Variants in DRC11 observed in about 807,000 individuals in gnomAD.
The protein encoded by DRC11 is IQ and AAA domain-containing protein 1.
chr2:236,505,811 C>A, the DRC11 span, among the ~76,000 whole-genome samples: 1 of 152,178 alleles, frequency 6.6e-6, no homozygotes, highest in Non-Finnish European at 1.5e-5. Context: ...CTTCTCCCTC[C>A]TCCTCCTATA....
At chr2:236,406,531 G>A in the DRC11 span, among the ~76,000 whole-genome samples, 1 of 152,112 alleles carries the variant, frequency 6.6e-6, no homozygotes, top group African/African-American at 2.4e-5. The surrounding 1 kb of genome is among the most constrained non-coding windows in gnomAD (Gnocchi z 4.7). Context: ...CTCTGGGTCC[G>A]TATCCTGGGG....
the DRC11 span, among the ~76,000 whole-genome samples, chr2:236,357,642 A>AAATAT: frequency 3.3e-5 from 4 of 122,864 alleles, no homozygotes; most frequent in Admixed American, 8.9e-5. Context: ...TATAATATGT[A>AAATAT]AATATATAAA....
the DRC11 span, among the ~76,000 whole-genome samples, chr2:236,458,755 A>G: frequency 6.6e-6 from 1 of 151,108 alleles, no homozygotes. Context: ...AGTCAGTTAG[A>G]AAAAAAAAGG....
At chr2:236,396,742 G>A in the DRC11 span, among the ~76,000 whole-genome samples, 2 of 152,122 alleles carry the variant, frequency 1.3e-5, no homozygotes, top group Non-Finnish European at 2.9e-5. Flanking sequence ...ATTATCCAAT[G>A]GCATTCTTTC....
At chr2:236,309,060 T>A in the DRC11 span, among the ~76,000 whole-genome samples, 1 of 152,096 alleles carries the variant, frequency 6.6e-6, no homozygotes, top group African/African-American at 2.4e-5. This position sits in a 1 kb window ranked among gnomAD's most constrained non-coding sequence, Gnocchi z 5.7. Context: ...AGAGAAAAGG[T>A]TAATGGCTGA....
chr2:236,486,960 G>T, the DRC11 span: 1 of 1,326,524 alleles, frequency 7.5e-7, no homozygotes, highest in Non-Finnish European at 1.1e-6. The surrounding 1 kb of genome is among the most constrained non-coding windows in gnomAD (Gnocchi z 5.7). Context: ...AACATGGCTT[G>T]CAGTTTCTCC....
chr2:236,379,004 C>T, the DRC11 span, among the ~76,000 whole-genome samples: 75 of 152,278 alleles, frequency 4.9e-4, no homozygotes, highest in Non-Finnish European at 2.9e-5. Context: ...AGCAGAAACC[C>T]ACACTCCCCC....
At chr2:236,399,543 C>T in the DRC11 span, 1,904 of 1,409,922 alleles carry the variant, frequency 1.4e-3, 2 homozygotes, top group Non-Finnish European at 1.8e-3. This position sits in a 1 kb window ranked among gnomAD's most constrained non-coding sequence, Gnocchi z 7.0. Context: ...CAGCAAAAGA[C>T]GCAGACGCTG....
At chr2:236,389,091 TGCA>T in the DRC11 span, among the ~76,000 whole-genome samples, 1 of 152,210 alleles carries the variant, frequency 6.6e-6, no homozygotes, top group East Asian at 1.9e-4. Context: ...CATTTAAGTC[TGCA>T]GAGGTTACTG....
At chr2:236,386,711 A>T in the DRC11 span, among the ~76,000 whole-genome samples, 2 of 148,456 alleles carry the variant, frequency 1.3e-5, no homozygotes, top group Non-Finnish European at 3.0e-5. Flanking sequence ...CTAGCTTTTG[A>T]ATGTGTTTGC....
the DRC11 span, among the ~76,000 whole-genome samples, chr2:236,427,492 T>C: frequency 7.2e-5 from 11 of 152,140 alleles, no homozygotes; most frequent in Admixed American, 5.9e-4. The surrounding 1 kb of genome is among the most constrained non-coding windows in gnomAD (Gnocchi z 5.9). Context: ...AGTCCTGTTG[T>C]TGTATAATAA....
chr2:236,419,893 A>C, the DRC11 span, among the ~76,000 whole-genome samples: 4 of 152,260 alleles, frequency 2.6e-5, no homozygotes, highest in Admixed American at 2.6e-4. This position sits in a 1 kb window ranked among gnomAD's most constrained non-coding sequence, Gnocchi z 4.8. Flanking sequence ...TCAATACAAC[A>C]GTGTTCACTG....
the DRC11 span, among the ~76,000 whole-genome samples, chr2:236,311,353 A>G: frequency 1.1e-3 from 163 of 152,352 alleles, no homozygotes; most frequent in African/African-American, 3.4e-3. The surrounding 1 kb of genome is among the most constrained non-coding windows in gnomAD (Gnocchi z 6.9). Flanking sequence ...CTGTGAGCTC[A>G]GGAATCTGCT....
the DRC11 span, among the ~76,000 whole-genome samples, chr2:236,399,051 G>A: frequency 9.4e-3 from 1,433 of 151,880 alleles, 30 homozygotes; most frequent in African/African-American, 0.032. This position sits in a 1 kb window ranked among gnomAD's most constrained non-coding sequence, Gnocchi z 7.0. Flanking sequence ...GTGCAATGGC[G>A]TGATATCGGC....
chr2:236,369,612 T>C, the DRC11 span, among the ~76,000 whole-genome samples: 27,479 of 152,218 alleles, frequency 0.18, 2,776 homozygotes, highest in Non-Finnish European at 0.23. This position sits in a 1 kb window ranked among gnomAD's most constrained non-coding sequence, Gnocchi z 4.5. Flanking sequence ...AGATGCACCA[T>C]ATTTTCTAGA....
chr2:236,393,743 G>T, the DRC11 span, among the ~76,000 whole-genome samples: 1 of 152,170 alleles, frequency 6.6e-6, no homozygotes, highest in East Asian at 1.9e-4. The surrounding 1 kb of genome is among the most constrained non-coding windows in gnomAD (Gnocchi z 4.7). Context: ...AGACTCTGAG[G>T]CAAACTCAGA....
chr2:236,348,805 C>T, the DRC11 span, among the ~76,000 whole-genome samples: 3 of 152,148 alleles, frequency 2.0e-5, no homozygotes, highest in Non-Finnish European at 4.4e-5. This position sits in a 1 kb window ranked among gnomAD's most constrained non-coding sequence, Gnocchi z 7.4. Context: ...GGCTTATGCA[C>T]AGGTTCCCAA....
chr2:236,412,177 G>T, the DRC11 span, among the ~76,000 whole-genome samples: 3 of 152,148 alleles, frequency 2.0e-5, no homozygotes, highest in African/African-American at 7.2e-5. Context: ...TTATAGGCGT[G>T]GGCCACTGCG....
At chr2:236,500,725 G>A in the DRC11 span, among the ~76,000 whole-genome samples, 1 of 152,160 alleles carries the variant, frequency 6.6e-6, no homozygotes, top group Non-Finnish European at 1.5e-5. The surrounding 1 kb of genome is among the most constrained non-coding windows in gnomAD (Gnocchi z 6.3). Flanking sequence ...ATTTTGAGAT[G>A]CAGTTTCGTT....
Sources: gnomAD v4.1 joint callset for allele counts (sites outside exome capture counted in the v4.1 genomes callset) on GRCh38, gnomAD v4.1.1 for gene constraint, Gnocchi (gnomAD v3.1) non-coding constraint, MANE v1.5 for transcripts, NCBI Gene and HGNC (gene_info 2026-07-23, HGNC 2026-07-21) for gene names.